Variants in EXD1 observed in about 807,000 individuals in gnomAD.
The protein encoded by EXD1 is piRNA biogenesis protein EXD1.
Under a neutral mutation model 49.1 loss-of-function variants are expected in EXD1, and 63 were observed. The ratio of observed to expected loss-of-function variants is 1.28; its 90% CI spans 1.05 to 1.58. The LOEUF is 1.58. Ranked by LOEUF, EXD1 falls within the 40% of genes most tolerant of loss-of-function variation. The probability of loss-of-function intolerance (pLI) is 0.00; values close to 1 mark genes in which losing one functional copy is unlikely to be tolerated. For synonymous variants in EXD1, 234 were observed against 239.2 expected (o/e 0.98, Z 0.20); for missense variants, 748 against 666.0 (o/e 1.12, Z -1.36).
intron 11 of EXD1, among the ~76,000 whole-genome samples, chr15:41,184,908 G>A (rs754662797): frequency 3.9e-5 from 6 of 152,122 alleles, no homozygotes; most frequent in East Asian, 1.9e-4. Context: ...CACCTGCCTC[G>A]GCCTCCCAAA....
intron 3 of EXD1, among the ~76,000 whole-genome samples, chr15:41,218,260 G>T (rs962930664): frequency 6.6e-6 from 1 of 152,026 alleles, no homozygotes; most frequent in Non-Finnish European, 1.5e-5. Flanking sequence ...TGAGGGGGGT[G>T]AATCATTTGA....
chr15:41,217,913 T>C (rs971864844), intron 3 of EXD1, among the ~76,000 whole-genome samples: 3 of 152,230 alleles, frequency 2.0e-5, no homozygotes, highest in Admixed American at 6.5e-5. Flanking sequence ...GTATTGAATC[T>C]GGAGCAGAGA....
At chr15:41,216,587 C>T (rs55787465) in intron 5 of EXD1, 81 bp downstream of exon 5, 110,906 of 1,405,572 alleles carry the variant, frequency 0.079, 8,806 homozygotes, top group African/African-American at 0.4. Flanking sequence ...GCCGAGATCA[C>T]GCCATTGCAC....
At chr15:41,221,122 T>A (rs2047082254) in intron 2 of EXD1, among the ~76,000 whole-genome samples, 1 of 152,184 alleles carries the variant, frequency 6.6e-6, no homozygotes. Flanking sequence ...TATTTCCCTA[T>A]ACTCAAATTT....
intron 1 of EXD1, among the ~76,000 whole-genome samples, chr15:41,228,101 A>T (rs2047190827): frequency 6.6e-6 from 1 of 152,150 alleles, no homozygotes. Context: ...TCTTTACCAT[A>T]ATACAGTAAT....
At chr15:41,225,879 C>T (rs1015938356) in intron 2 of EXD1, among the ~76,000 whole-genome samples, 1 of 150,176 alleles carries the variant, frequency 6.7e-6, no homozygotes, top group Admixed American at 6.6e-5. Context: ...AGCAAGACAA[C>T]ATCTCAAAAA....
intron 7 of EXD1, among the ~76,000 whole-genome samples, chr15:41,203,238 C>T (rs1247092432): frequency 6.6e-6 from 1 of 151,992 alleles, no homozygotes; most frequent in East Asian, 1.9e-4. Flanking sequence ...TATGAGGAGA[C>T]GTAACCCCCC....
chr15:41,216,989 A>G, intron 4 of EXD1, 108 bp downstream of exon 4: 1 of 1,314,258 alleles, frequency 7.6e-7, no homozygotes. Flanking sequence ...TCTCATTTCT[A>G]TTTCCTTATG....
At chr15:41,212,370 G>C (rs1167793096) in intron 6 of EXD1, among the ~76,000 whole-genome samples, 1 of 151,918 alleles carries the variant, frequency 6.6e-6, no homozygotes, top group Non-Finnish European at 1.5e-5. Context: ...CAGGAGAATG[G>C]TGTGAACCCG....
Position 41,217,094 on chromosome 15 carries a change from T to C in EXD1, c.260+3A>G, listed in dbSNP as rs1219550459. The C allele has an allele frequency of 3.7e-6, 6 of 1,610,952 alleles. No individual in the cohort carries two copies. Among genetic ancestry groups the C allele is most frequent in the Non-Finnish European group, 5.1e-6 (6 of 1,178,844 alleles). On this transcript the variant is annotated splice_donor_region_variant and intron_variant, in intron 4 of 11. Transcript: ENST00000458580. ...CATAATTAAGAAAATTATTCCTTCTTACCTAACAGAAGATGCTTTTGCTCT... is the reference window on the plus strand; with the variant it reads ...CATAATTAAGAAAATTATTCCTTCTCACCTAACAGAAGATGCTTTTGCTCT...
At chr15:41,220,405 G>A (rs1019545153) in intron 2 of EXD1, among the ~76,000 whole-genome samples, 9 of 151,972 alleles carry the variant, frequency 5.9e-5, no homozygotes, top group East Asian at 1.9e-4. Flanking sequence ...CGAGTAGCTC[G>A]GACTACAGGC....
chr15:41,226,178 G>T (rs1261797582), intron 2 of EXD1, among the ~76,000 whole-genome samples: 2 of 151,424 alleles, frequency 1.3e-5, no homozygotes, highest in African/African-American at 4.9e-5. Context: ...TGTGAACCCG[G>T]GAGGCAGAGC....
At chr15:41,226,762 T>C (rs1442736735) in intron 1 of EXD1, 134 bp from the exon 2 acceptor site, 1 of 739,092 alleles carries the variant, frequency 1.4e-6, no homozygotes. Context: ...TTTGGAATGA[T>C]GAGAAAAGGA....
intron 2 of EXD1, among the ~76,000 whole-genome samples, 177 bp from the exon 3 acceptor site, chr15:41,220,075 G>A (rs561486365): frequency 4.6e-5 from 7 of 150,540 alleles, no homozygotes; most frequent in Non-Finnish European, 8.8e-5. Flanking sequence ...ACAAAGCTAC[G>A]ACCTTTAAAC....
intron 9 of EXD1, 45 bp from the exon 10 acceptor site, chr15:41,191,630 G>T (rs1469386099): frequency 1.3e-6 from 2 of 1,561,830 alleles, no homozygotes; most frequent in African/African-American, 2.7e-5. Flanking sequence ...AATATATACA[G>T]AGAGCTATCT....
chr15:41,190,650 G>C (rs2046499151), intron 10 of EXD1, among the ~76,000 whole-genome samples: 1 of 152,180 alleles, frequency 6.6e-6, no homozygotes, highest in African/African-American at 2.4e-5. Context: ...AACAGAGAAA[G>C]AGAGGGGTAG....
At chr15:41,223,738 G>A (rs997356512) in intron 2 of EXD1, among the ~76,000 whole-genome samples, 9 of 151,528 alleles carry the variant, frequency 5.9e-5, no homozygotes, top group African/African-American at 1.7e-4. Context: ...GGTGGCGGGC[G>A]CCTGTAGTCC....
chr15:41,196,080 G>T (rs758775722), intron 7 of EXD1, 43 bp from the exon 8 acceptor site: 2 of 1,441,856 alleles, frequency 1.4e-6, no homozygotes, highest in South Asian at 1.3e-5. Context: ...GGATAAGAAA[G>T]AACTGAGGAA....
chr15:41,185,336 T>TTTTTGTTTTG (rs138866634), intron 11 of EXD1, among the ~76,000 whole-genome samples: 1 of 151,754 alleles, frequency 6.6e-6, no homozygotes, highest in East Asian at 1.9e-4. Context: ...TTTGGGAAGT[T>TTTTTGTTTTG]TTTTGTTTTG....
Sources: allele counts gnomAD v4.1 joint callset (sites outside exome capture counted in the v4.1 genomes callset), GRCh38; gene constraint gnomAD v4.1.1; transcripts MANE v1.5; gene names NCBI Gene and HGNC (gene_info 2026-07-23, HGNC 2026-07-21).